Variants in KLF12 observed in about 807,000 individuals in gnomAD.
KLF12 encodes KLF transcription factor 12.
KLF12 carries 9 observed loss-of-function variants against 37.8 expected under a neutral mutation model. That is an observed-to-expected ratio of 0.24 (90% CI 0.14 to 0.42). The LOEUF (loss-of-function observed/expected upper bound fraction) is 0.42, where lower values mean the gene tolerates loss of function less well. Among genes scored for constraint, KLF12 ranks in the 10% least tolerant of loss-of-function variants. The pLI is 1.00. For synonymous variants in KLF12, 208 were observed against 202.1 expected (o/e 1.03, Z -0.25); for missense variants, 411 against 516.0 (o/e 0.80, Z 1.97).
Position 73,798,388 on chromosome 13 carries a change from A to G in KLF12, c.806+14764T>C, listed in dbSNP as rs112782661. ...AAGATTTAATGACAAAGACACCAAA[A>G]GCAATTGCAACAAAAGCAAAAATTG... On this transcript the variant is annotated intron_variant, in intron 5 of 7. Transcript: ENST00000377669. Among the ~76,000 whole-genome samples the G allele has an allele frequency of 7.3e-3, 1,105 of 152,354 alleles. 12 individuals carry two copies. The highest frequency in any genetic ancestry group is 0.025 in the African/African-American group (1,054 of 41,580).
the KLF12 span, among the ~76,000 whole-genome samples, chr13:74,209,522 TCACACACA>T: frequency 1.3e-3 from 185 of 145,998 alleles, no homozygotes; most frequent in African/African-American, 2.1e-3. Flanking sequence ...AACATCTTAG[TCACACACA>T]CACACACACA....
chr13:74,015,064 T>C (rs759900303), intron 1 of KLF12, among the ~76,000 whole-genome samples: 20 of 152,134 alleles, frequency 1.3e-4, no homozygotes, highest in Non-Finnish European at 2.6e-4. Flanking sequence ...TAATAAATTA[T>C]ATACTATTAG....
chr13:74,106,070 C>T lies in KLF12; in HGVS notation c.-32+27669G>A, dbSNP rs182267015. Among the ~76,000 whole-genome samples the T allele has an allele frequency of 2.1e-3, 326 of 152,244 alleles. 4 individuals carry two copies. The highest frequency in any genetic ancestry group is 3.4e-3 in the Non-Finnish European group (230 of 67,998). On this transcript the variant is annotated intron_variant, in intron 1 of 7. Coordinates refer to ENST00000377669, the MANE Select transcript of KLF12 (RefSeq NM_007249.5). ...TACCACATTAAGTGGGAATTCAAGG[C>T]TATTTATAAAGCACTGTGACTGTCC...
At chr13:73,913,652 T>G (rs1888679659) in intron 3 of KLF12, among the ~76,000 whole-genome samples, 1 of 152,204 alleles carries the variant, frequency 6.6e-6, no homozygotes, top group African/African-American at 2.4e-5. Flanking sequence ...AAAGCTTTCA[T>G]GTTGGCAATG....
At chr13:73,911,087 C>G (rs186020366) in intron 3 of KLF12, among the ~76,000 whole-genome samples, 1,524 of 151,690 alleles carry the variant, frequency 0.01, 21 homozygotes, top group Non-Finnish European at 0.013. Flanking sequence ...AAAAAACAGA[C>G]TAAGAGATTT....
chr13:73,966,769 C>T (rs1020903114), intron 2 of KLF12, among the ~76,000 whole-genome samples: 5 of 152,128 alleles, frequency 3.3e-5, no homozygotes, highest in African/African-American at 1.2e-4. Context: ...ATTTATATGC[C>T]CAGTAATGTG....
At chr13:74,207,543 G>T in the KLF12 span, among the ~76,000 whole-genome samples, 1 of 152,134 alleles carries the variant, frequency 6.6e-6, no homozygotes, top group East Asian at 1.9e-4. Flanking sequence ...GGGTATGATG[G>T]CAGATGCCTG....
chr13:74,097,007 T>G (rs190614613), intron 1 of KLF12, among the ~76,000 whole-genome samples: 1 of 152,168 alleles, frequency 6.6e-6, no homozygotes, highest in African/African-American at 2.4e-5. Context: ...TCCCCTTGGG[T>G]AAATTAAAAT....
At chr13:74,098,544 T>C (rs1367399840) in intron 1 of KLF12, among the ~76,000 whole-genome samples, 1 of 152,212 alleles carries the variant, frequency 6.6e-6, no homozygotes, top group African/African-American at 2.4e-5. Flanking sequence ...AGATGATTTC[T>C]AAAGTTCTTT....
At chr13:74,034,833 A>AG (rs1201369873) in intron 1 of KLF12, among the ~76,000 whole-genome samples, 3 of 152,252 alleles carry the variant, frequency 2.0e-5, no homozygotes, top group Admixed American at 2.0e-4. Flanking sequence ...TAAGCTTCCA[A>AG]GGTAGAATAC....
chr13:73,964,588 T>C (rs1013409707), intron 2 of KLF12, among the ~76,000 whole-genome samples: 51 of 135,672 alleles, frequency 3.8e-4, no homozygotes, highest in Non-Finnish European at 6.8e-4. Flanking sequence ...GCTAACATGG[T>C]GAAACTCCGT....
At chr13:74,251,676 A>G in the KLF12 span, among the ~76,000 whole-genome samples, 6 of 152,116 alleles carry the variant, frequency 3.9e-5, no homozygotes, top group East Asian at 1.2e-3. Flanking sequence ...CAGTTGGCTG[A>G]CTGGCGTTCA....
intron 5 of KLF12, chr13:73,801,678 A>T (rs1882285637): frequency 6.6e-6 from 1 of 152,172 alleles, no homozygotes; most frequent in African/African-American, 2.4e-5. Flanking sequence ...AAACAAATGA[A>T]AGCAAATTAA....
At chr13:73,799,570 T>C (rs2138333112) in intron 5 of KLF12, among the ~76,000 whole-genome samples, 1 of 152,248 alleles carries the variant, frequency 6.6e-6, no homozygotes, top group East Asian at 1.9e-4. Flanking sequence ...ACTGGTTTGC[T>C]GACTTAACTT....
chr13:73,797,693 C>G (rs1427434580), intron 5 of KLF12, among the ~76,000 whole-genome samples: 1 of 149,540 alleles, frequency 6.7e-6, no homozygotes, highest in Non-Finnish European at 1.5e-5. Context: ...TCCCTTGAGC[C>G]CAGGAGTTTG....
intron 4 of KLF12, among the ~76,000 whole-genome samples, chr13:73,844,034 CTTT>C (rs1395474702): frequency 1.3e-5 from 2 of 151,980 alleles, no homozygotes; most frequent in African/African-American, 4.8e-5. Flanking sequence ...AAAAAAATCA[CTTT>C]TGTTTCTTTC....
the KLF12 span, among the ~76,000 whole-genome samples, chr13:74,160,920 G>A: frequency 2.6e-5 from 4 of 152,148 alleles, no homozygotes; most frequent in African/African-American, 7.2e-5. Context: ...ACCCTCTTCA[G>A]CAAGGTAGCC....
the KLF12 span, among the ~76,000 whole-genome samples, chr13:74,188,231 A>C: frequency 6.6e-6 from 1 of 152,182 alleles, no homozygotes; most frequent in Non-Finnish European, 1.5e-5. Context: ...CCATGCCATA[A>C]TTTAGTAAGC....
chr13:74,171,335 G>A, the KLF12 span, among the ~76,000 whole-genome samples: 1 of 152,110 alleles, frequency 6.6e-6, no homozygotes. Flanking sequence ...AAACACAAAG[G>A]AAGGCTGCTC....
Sources: gnomAD v4.1 joint callset for allele counts (sites outside exome capture counted in the v4.1 genomes callset) on GRCh38, gnomAD v4.1.1 for gene constraint, MANE v1.5 for transcripts, NCBI Gene and HGNC (gene_info 2026-07-23, HGNC 2026-07-21) for gene names.